CNR1: variants seen among roughly 807,000 people sequenced by gnomAD.
CNR1 encodes cannabinoid receptor 1, also known as cannabinoid receptor 1 (brain).
CNR1 carries 10 observed loss-of-function variants against 23.0 expected under a neutral mutation model. The observed-to-expected ratio is 0.43, with a 90% CI of 0.27 to 0.74. CNR1 has a LOEUF of 0.74. CNR1 is among the 30% of genes least tolerant of loss of function. The pLI, the probability that CNR1 is intolerant of heterozygous loss-of-function variation, is 0.19. For missense variants in CNR1, 422 were observed against 618.8 expected (o/e 0.68, Z 3.37); for synonymous variants, 271 against 255.2 (o/e 1.06, Z -0.59).
In CNR1 at chr6:88,159,813, A is replaced by T. The variant is rs145178768; in HGVS notation, c.-64+5990T>A. On this transcript the variant is annotated intron_variant, in intron 1 of 1. Transcript: ENST00000369501. Reference sequence around the variant, plus strand: ...CAAATTCTGGTAGCAATGCATTTCAATGAGCTGAAAATTGGATCCATTTAG... The same window carrying T: ...CAAATTCTGGTAGCAATGCATTTCATTGAGCTGAAAATTGGATCCATTTAG... 7.3e-3 allele frequency among the ~76,000 whole-genome samples: 1,109 copies of T among 152,340 alleles called. 6 individuals carry two copies. Among genetic ancestry groups the T allele is most frequent in the Middle Eastern group, 0.014 (4 of 292 alleles).
chr6:88,145,997 C>T (rs1007344221), intron 1 of CNR1, among the ~76,000 whole-genome samples: 8 of 152,242 alleles, frequency 5.3e-5, no homozygotes, highest in South Asian at 4.1e-4. Flanking sequence ...GAGGTCTGGA[C>T]GGAGCCATGG....
At position 88,154,331 on chromosome 6, in the gene CNR1, C is replaced by A. The variant is rs367874486; in HGVS notation, c.-63-8994G>T. On this transcript the variant is annotated intron_variant, in intron 1 of 1. Transcript: ENST00000369501. ...TTTCACATTTAGAGACTAGTTAAAA[C>A]AATTTCAGGGCTCAAGAAAATGATG... 3.7e-4 allele frequency among the ~76,000 whole-genome samples: 57 copies of A among 152,264 alleles called. 1 individual carries two copies. Among genetic ancestry groups the A allele is most frequent in the African/African-American group, 1.3e-3 (54 of 41,566 alleles).
intron 1 of CNR1, among the ~76,000 whole-genome samples, chr6:88,154,703 G>A (rs952184933): frequency 2.6e-5 from 4 of 152,010 alleles, no homozygotes; most frequent in Non-Finnish European, 4.4e-5. Flanking sequence ...CTCAGCCTCC[G>A]AAGAAGCTTG....
Position 88,141,185 on chromosome 6 carries a change from G to A in CNR1, c.*2671C>T, listed in dbSNP as rs1459565461. The stretch of plus-strand genomic sequence containing the variant: ...GATATTAACAAATGGTAATTCTAAT[G>A]AGTATATTCATTGGGGACAATGTTT... On this transcript the variant is annotated 3_prime_UTR_variant, in exon 2 of 2. Transcript: ENST00000369501. 1 of 152,690 alleles carries A rather than the reference G, an allele frequency of 6.5e-6. No homozygotes were observed. The highest frequency in any genetic ancestry group is 1.5e-5 in the Non-Finnish European group (1 of 68,044). 9.5% of individuals were successfully genotyped at this position (152,690 alleles called of 1,614,324 possible).
At chr6:88,147,341 G>C (rs1161001008) in intron 1 of CNR1, among the ~76,000 whole-genome samples, 1 of 152,066 alleles carries the variant, frequency 6.6e-6, no homozygotes, top group Non-Finnish European at 1.5e-5. Context: ...TGAAGGATAT[G>C]ATCTAGCAGA....
In CNR1 at chr6:88,143,891, A is replaced by G; in HGVS notation, c.1384T>C (p.Ser462Pro). 6.2e-7 allele frequency: 1 copy of G among 1,614,016 alleles called. No individual in the cohort carries two copies. Among genetic ancestry groups the G allele is most frequent in the South Asian group, 1.1e-5 (1 of 91,070 alleles). The stretch of plus-strand genomic sequence containing the variant: ...TCGGCAGACGTGTCTGTGGACACAG[A>G]CATGGTTACCTTGGCAATCTTGACC... ...STVKIAKVTM[S>P]VSTDTSAEAL The change falls in exon 2 of 2, where the codon TCT (serine) becomes CCT (proline). Residue 462 changes from serine to proline, a missense_variant. Transcript: ENST00000369501.
At chr6:88,155,736 A>G (rs1047744931) in intron 1 of CNR1, among the ~76,000 whole-genome samples, 4 of 152,244 alleles carry the variant, frequency 2.6e-5, no homozygotes, top group Non-Finnish European at 5.9e-5. Flanking sequence ...CCAATTAACT[A>G]TAAGGTATAA....
At chr6:88,154,889 T>C (rs1050666857) in intron 1 of CNR1, among the ~76,000 whole-genome samples, 2 of 152,172 alleles carry the variant, frequency 1.3e-5, no homozygotes, top group African/African-American at 2.4e-5. Context: ...CAGAAAGCAA[T>C]TATTAAAGCA....
upstream of CNR1, chr6:88,166,348 G>GGCTCCCTCTC (rs1272986233): frequency 2.0e-5 from 3 of 152,356 alleles, no homozygotes; most frequent in Non-Finnish European, 2.9e-5. Flanking sequence ...CGCTGTCTCT[G>GGCTCCCTCTC]GCTCCCTCTC....
At chr6:88,161,164 C>T (rs1018054514) in intron 1 of CNR1, among the ~76,000 whole-genome samples, 1 of 152,208 alleles carries the variant, frequency 6.6e-6, no homozygotes, top group South Asian at 2.1e-4. Context: ...TGATTTCCAT[C>T]TAACCAGTCT....
chr6:88,147,424 C>T (rs922135780), intron 1 of CNR1, among the ~76,000 whole-genome samples: 1 of 152,194 alleles, frequency 6.6e-6, no homozygotes, highest in East Asian at 1.9e-4. Context: ...ACAGGATGCT[C>T]TGGGGACACC....
intron 1 of CNR1, among the ~76,000 whole-genome samples, chr6:88,161,184 CA>C (rs1346971856): frequency 6.6e-6 from 1 of 152,136 alleles, no homozygotes; most frequent in African/African-American, 2.4e-5. Flanking sequence ...TCTACATATT[CA>C]AAAACAAAAG....
chr6:88,145,410 G>T, intron 1 of CNR1, 73 bp from the exon 2 acceptor site: 1 of 714,522 alleles, frequency 1.4e-6, no homozygotes. Flanking sequence ...CACTGTAAAT[G>T]TGGCAAATGT....
At chr6:88,165,481 C>T (rs1475530757) in intron 1 of CNR1, among the ~76,000 whole-genome samples, 1 of 152,220 alleles carries the variant, frequency 6.6e-6, no homozygotes, top group East Asian at 1.9e-4. Flanking sequence ...GACTTAGCTG[C>T]TAACATGGTT....
At position 88,166,036 on chromosome 6, in the gene CNR1, G is replaced by T; in HGVS notation, c.-297C>A. On this transcript the variant is annotated 5_prime_UTR_variant, in exon 1 of 2. Coordinates refer to ENST00000369501, the MANE Select transcript of CNR1 (RefSeq NM_016083.6). ...TGGCAGAGGGAGTAGCGTGCGGGAG[G>T]CGGCGCCGGCGCCGGGCTGCTGGCG... The T allele has an allele frequency of 6.5e-6, 1 of 152,808 alleles. No homozygotes were observed. The highest frequency in any genetic ancestry group is 1.5e-5 in the Non-Finnish European group (1 of 68,436). 9.5% of individuals were successfully genotyped at this position (152,808 alleles called of 1,614,324 possible).
At position 88,144,263 on chromosome 6, in the gene CNR1, C is replaced by T; in HGVS notation, c.1012G>A (p.Asp338Asn). The T allele has an allele frequency of 6.2e-7, 1 of 1,611,086 alleles. No individual in the cohort carries two copies. Among genetic ancestry groups the T allele is most frequent in the Non-Finnish European group, 8.5e-7 (1 of 1,179,996 alleles). ...ACCAGGGTCTTGGCTAACCTAATGT[C>T]CATGCGGGCTTGGTCTGGCCGGGTC... ...QVTRPDQARMDIRLAKTLVLI... is the reference protein window; with the variant it reads ...QVTRPDQARMNIRLAKTLVLI... The change falls in exon 2 of 2, where the codon GAC becomes AAC. Residue 338 changes from aspartate (D) to asparagine (N), a missense_variant. Asp to Asn is a conservative substitution (Grantham distance 23). Transcript: ENST00000369501. The surrounding 1 kb of genome is among the most constrained non-coding windows in gnomAD (Gnocchi z 7.8).
chr6:88,145,133 A>G lies in CNR1; in HGVS notation c.142T>C (p.Phe48Leu). 1.9e-6 allele frequency: 3 copies of G among 1,614,144 alleles called. No individual in the cohort carries two copies. The highest frequency in any genetic ancestry group is 2.5e-6 in the Non-Finnish European group (3 of 1,180,016). Reference protein sequence around the residue: ...ASKLGYFPQKFPLTSFRGSPF... With the variant: ...ASKLGYFPQKLPLTSFRGSPF... ...CTTCCCCTAAAGGAAGTTAAAGGGAATTTCTGTGGGAAGTACCCTAATTTG... is the reference window on the plus strand; with the variant it reads ...CTTCCCCTAAAGGAAGTTAAAGGGAGTTTCTGTGGGAAGTACCCTAATTTG... Residue 48 changes from phenylalanine (F) to leucine (L), a missense_variant, in exon 2 of 2, where the codon TTC (phenylalanine) becomes CTC (leucine). Transcript: ENST00000369501.
chr6:88,145,418 T>G (rs1777127857), intron 1 of CNR1, 81 bp from the exon 2 acceptor site: 2 of 675,028 alleles, frequency 3.0e-6, no homozygotes, highest in South Asian at 1.9e-5. Flanking sequence ...ATGTGGCAAA[T>G]GTACTGTCAT....
intron 1 of CNR1, among the ~76,000 whole-genome samples, chr6:88,150,787 T>C (rs1303267802): frequency 6.6e-6 from 1 of 152,250 alleles, no homozygotes; most frequent in African/African-American, 2.4e-5. Flanking sequence ...CTCTCATATA[T>C]TGTGACTGTC....
Sources: gnomAD v4.1 joint callset for allele counts (sites outside exome capture counted in the v4.1 genomes callset) on GRCh38, gnomAD v4.1.1 for gene constraint, Gnocchi (gnomAD v3.1) non-coding constraint, MANE v1.5 for transcripts, NCBI Gene and HGNC (gene_info 2026-07-23, HGNC 2026-07-21) for gene names.